LYPD6: variants seen among roughly 807,000 people sequenced by gnomAD.
LYPD6 encodes ly6/PLAUR domain-containing protein 6.
A neutral mutation model predicts 22.7 loss-of-function variants in LYPD6; 15 were observed. That is an observed-to-expected ratio of 0.66 (90% CI 0.44 to 1.02). The LOEUF is 1.02. Ranked by LOEUF, LYPD6 falls within the 50% of genes least tolerant of loss-of-function variation. The probability of loss-of-function intolerance (pLI) is 0.00; values close to 1 mark genes in which losing one functional copy is unlikely to be tolerated. For synonymous variants in LYPD6, 72 were observed against 77.5 expected, an observed-to-expected ratio of 0.93 and a Z score of 0.37; for missense variants, 189 against 208.4, an observed-to-expected ratio of 0.91 and a Z score of 0.57.
intron 1 of LYPD6, among the ~76,000 whole-genome samples, chr2:149,335,436 A>T (rs1225673288): frequency 1.3e-5 from 2 of 152,228 alleles, no homozygotes; most frequent in Non-Finnish European, 2.9e-5. Context: ...AGTTTGTACC[A>T]TGTGTTTGTG....
intron 1 of LYPD6, among the ~76,000 whole-genome samples, chr2:149,412,317 A>T (rs1013061327): frequency 1.2e-4 from 18 of 151,960 alleles, no homozygotes; most frequent in African/African-American, 4.3e-4. Flanking sequence ...TTTAACTCTG[A>T]TAAGGTTGAG....
chr2:149,444,039 T>G (rs1043764420), intron 2 of LYPD6, among the ~76,000 whole-genome samples: 9 of 149,746 alleles, frequency 6.0e-5, no homozygotes, highest in Non-Finnish European at 1.2e-4. Flanking sequence ...GCTCAAGCGA[T>G]CCTCCCACCT....
chr2:149,461,635 ATAGACACTAAAGTTC>A (rs1681089701), intron 3 of LYPD6, among the ~76,000 whole-genome samples: 3 of 152,022 alleles, frequency 2.0e-5, no homozygotes, highest in African/African-American at 7.2e-5. Flanking sequence ...TTTTATGAAT[ATAGACACTAAAGTTC>A]TTAACAAAAT....
At chr2:149,402,327 A>T (rs777865853) in intron 1 of LYPD6, among the ~76,000 whole-genome samples, 47 of 152,086 alleles carry the variant, frequency 3.1e-4, no homozygotes, top group Non-Finnish European at 6.2e-4. Context: ...TTACAATTAC[A>T]AATTGTGCTC....
intron 1 of LYPD6, among the ~76,000 whole-genome samples, chr2:149,389,200 T>C (rs1487757934): frequency 1.3e-5 from 2 of 152,160 alleles, no homozygotes; most frequent in Admixed American, 1.3e-4. Flanking sequence ...ATTCTGATAA[T>C]AATCTCCCTA....
At chr2:149,439,545 G>T (rs1683510716) in intron 2 of LYPD6, among the ~76,000 whole-genome samples, 1 of 152,158 alleles carries the variant, frequency 6.6e-6, no homozygotes, top group Admixed American at 6.5e-5. Context: ...CTGCAGAAAA[G>T]GTCCACACTG....
At chr2:149,483,893 T>C in the LYPD6 span, among the ~76,000 whole-genome samples, 1 of 152,186 alleles carries the variant, frequency 6.6e-6, no homozygotes. Context: ...GTGGTGTATA[T>C]CATAGTGACA....
At chr2:149,377,331 G>T (rs1681945685) in intron 1 of LYPD6, among the ~76,000 whole-genome samples, 1 of 151,328 alleles carries the variant, frequency 6.6e-6, no homozygotes, top group South Asian at 2.1e-4. Context: ...AAACACAACT[G>T]CCAAGCAAGT....
chr2:149,469,781 G>A (rs1223392182), intron 4 of LYPD6, among the ~76,000 whole-genome samples: 4 of 152,028 alleles, frequency 2.6e-5, no homozygotes, highest in East Asian at 1.9e-4. Flanking sequence ...TCATATGCTC[G>A]GTCACACAGC....
At chr2:149,404,214 G>A (rs949286679) in intron 1 of LYPD6, among the ~76,000 whole-genome samples, 15 of 152,144 alleles carry the variant, frequency 9.9e-5, no homozygotes, top group Admixed American at 6.5e-5. Flanking sequence ...TTGGCGATGC[G>A]GGCTCTTTTT....
chr2:149,392,058 A>G (rs1225426412), intron 1 of LYPD6, among the ~76,000 whole-genome samples: 1 of 152,142 alleles, frequency 6.6e-6, no homozygotes, highest in East Asian at 1.9e-4. Context: ...CTTGGTGAGG[A>G]CCCACCTCCT....
chr2:149,480,459 C>T, the LYPD6 span, among the ~76,000 whole-genome samples: 1 of 152,118 alleles, frequency 6.6e-6, no homozygotes, highest in African/African-American at 2.4e-5. Context: ...TTATCACTTC[C>T]TCAAGAACAT....
intron 1 of LYPD6, among the ~76,000 whole-genome samples, chr2:149,416,721 T>C (rs956444178): frequency 6.6e-6 from 1 of 152,198 alleles, no homozygotes; most frequent in Non-Finnish European, 1.5e-5. Flanking sequence ...TTGGGGCCCA[T>C]GCCATCTTCC....
chr2:149,429,027 T>C (rs1334576056), intron 1 of LYPD6, among the ~76,000 whole-genome samples: 1 of 152,116 alleles, frequency 6.6e-6, no homozygotes, highest in Non-Finnish European at 1.5e-5. Context: ...GTGGTTTTGC[T>C]CTCCCAGCAT....
downstream of LYPD6, among the ~76,000 whole-genome samples, chr2:149,477,439 G>A (rs28711743): frequency 7.9e-3 from 1,203 of 151,900 alleles, 6 homozygotes; most frequent in African/African-American, 0.018. Context: ...CCTGGCCAAC[G>A]TGGTGAAACA....
At chr2:149,485,213 A>G in the LYPD6 span, among the ~76,000 whole-genome samples, 1 of 152,112 alleles carries the variant, frequency 6.6e-6, no homozygotes, top group African/African-American at 2.4e-5. Context: ...TATGCTCCTG[A>G]GGGGAGAAAA....
intron 3 of LYPD6, among the ~76,000 whole-genome samples, chr2:149,462,050 A>G (rs1681098491): frequency 6.6e-6 from 1 of 152,052 alleles, no homozygotes; most frequent in Non-Finnish European, 1.5e-5. Context: ...AGCATGTGCA[A>G]TAAGACAAGA....
At chr2:149,372,032 C>T (rs1000979907) in intron 1 of LYPD6, among the ~76,000 whole-genome samples, 4 of 152,052 alleles carry the variant, frequency 2.6e-5, no homozygotes, top group African/African-American at 7.2e-5. Flanking sequence ...TATAGGAGAG[C>T]GGAGGCATTC....
chr2:149,393,171 A>T (rs947096743), intron 1 of LYPD6, among the ~76,000 whole-genome samples: 1 of 152,252 alleles, frequency 6.6e-6, no homozygotes, highest in Non-Finnish European at 1.5e-5. Context: ...AGTGACAGCT[A>T]TAAAAGCCTT....
Sources: gnomAD v4.1 joint callset for allele counts (sites outside exome capture counted in the v4.1 genomes callset) on GRCh38, gnomAD v4.1.1 for gene constraint, MANE v1.5 for transcripts, NCBI Gene and HGNC (gene_info 2026-07-23, HGNC 2026-07-21) for gene names.